Variants in GLIS1 observed in about 807,000 individuals in gnomAD.
The protein encoded by GLIS1 is GLIS family zinc finger 1, also known as zinc finger protein GLIS1.
A neutral mutation model predicts 63.8 loss-of-function variants in GLIS1; 24 were observed. The observed-to-expected ratio is 0.38, with a 90% confidence interval of 0.27 to 0.53. The LOEUF (loss-of-function observed/expected upper bound fraction) is 0.53. Ranked by LOEUF, GLIS1 falls within the 20% of genes least tolerant of loss-of-function variation. The pLI is 0.85. For synonymous variants in GLIS1, 450 were observed against 482.5 expected (o/e 0.93, Z 0.88); for missense variants, 1,036 against 1,074.1 (o/e 0.96, Z 0.50).
intron 2 of GLIS1, among the ~76,000 whole-genome samples, chr1:53,663,247 T>C (rs1472354319): frequency 6.6e-6 from 1 of 152,194 alleles, no homozygotes; most frequent in Non-Finnish European, 1.5e-5. Flanking sequence ...TGGATCTTCT[T>C]GTTCTTTTCT....
rs2100560121 is a variant in GLIS1, at chr1:53,725,458, TGTC to T, written c.259+12345_259+12347del. Among the ~76,000 whole-genome samples the T allele has an allele frequency of 2.0e-5, 3 of 152,280 alleles. 1 individual carries two copies. The South Asian group carries it at 6.2e-4, about 32-fold the overall frequency. ...TCAGCAGACCAAGGCTGGGTGAGAC[TGTC>T]TGAGGTCATGAGGCTGAGACTGGCT... On this transcript the variant is annotated intron_variant, in intron 2 of 10. Coordinates refer to ENST00000628545, the MANE Select transcript of GLIS1 (RefSeq NM_001367484.1).
chr1:53,682,267 G>A (rs1241202466), intron 2 of GLIS1, among the ~76,000 whole-genome samples: 1 of 152,232 alleles, frequency 6.6e-6, no homozygotes, highest in Non-Finnish European at 1.5e-5. Context: ...CATCCAGCAA[G>A]CAGCCGCTGA....
chr1:53,512,948 T>G (rs1217167180), intron 8 of GLIS1, among the ~76,000 whole-genome samples: 1 of 152,116 alleles, frequency 6.6e-6, no homozygotes, highest in Non-Finnish European at 1.5e-5. Flanking sequence ...GCACACAGTG[T>G]CAGGCGTGTG....
intron 2 of GLIS1, chr1:53,734,143 C>T (rs1364965095): frequency 1.4e-5 from 14 of 983,660 alleles, no homozygotes; most frequent in African/African-American, 1.8e-5. Context: ...CGGCGGGGTT[C>T]ACATTTGTCG....
chr1:53,737,942 A>G lies in GLIS1; in HGVS notation c.123T>C (p.Ser41=). ...GAHMAFRVTV[S]GGGCGDRGPR... is the part of the protein sequence containing the mutation. The stretch of plus-strand genomic sequence containing the variant: ...GGCCCCTGTCCCCGCAGCCGCCGCC[A>G]CTCACGGTGACCCTGAAGGCCATGT... Residue 41 remains serine, a synonymous_variant, in exon 2 of 11, where the codon AGT becomes AGC. Transcript: ENST00000628545. 1.6e-6 allele frequency: 2 copies of G among 1,230,002 alleles called. No individual in the cohort carries two copies. The highest frequency in any genetic ancestry group is 2.0e-6 in the Non-Finnish European group (2 of 986,812). The allele number at this position is 1,230,002 out of a possible 1,614,324, so 76.2% of individuals were successfully genotyped here.
At chr1:53,694,026 G>A (rs1240445203) in intron 2 of GLIS1, among the ~76,000 whole-genome samples, 3 of 152,316 alleles carry the variant, frequency 2.0e-5, no homozygotes, top group Admixed American at 6.5e-5. Context: ...AAACAGTCCC[G>A]GCCCCTGCAG....
chr1:53,534,025 G>C (rs1402806168), intron 4 of GLIS1, among the ~76,000 whole-genome samples: 1 of 152,078 alleles, frequency 6.6e-6, no homozygotes, highest in Non-Finnish European at 1.5e-5. Flanking sequence ...CCAGCCCAGG[G>C]GGAGCTCTCT....
At chr1:53,555,680 T>G (rs925882750) in intron 4 of GLIS1, among the ~76,000 whole-genome samples, 1 of 152,262 alleles carries the variant, frequency 6.6e-6, no homozygotes, top group African/African-American at 2.4e-5. Flanking sequence ...GTAACCCATA[T>G]ATACACCTAC....
At chr1:53,659,283 C>T (rs1646000963) in intron 2 of GLIS1, among the ~76,000 whole-genome samples, 1 of 152,156 alleles carries the variant, frequency 6.6e-6, no homozygotes, top group South Asian at 2.1e-4. Flanking sequence ...GGAACAGGGT[C>T]CAGAGAAGCT....
At chr1:53,648,866 G>A (rs1645875115) in intron 2 of GLIS1, among the ~76,000 whole-genome samples, 1 of 152,146 alleles carries the variant, frequency 6.6e-6, no homozygotes, top group African/African-American at 2.4e-5. Context: ...CCATGAGTGG[G>A]GCTCTTCCGG....
intron 2 of GLIS1, among the ~76,000 whole-genome samples, chr1:53,675,875 G>A (rs1171322341): frequency 7.3e-6 from 1 of 137,466 alleles, no homozygotes; most frequent in Non-Finnish European, 1.6e-5. Context: ...CCACAGAACA[G>A]CGGCTCCTAC....
At chr1:53,721,163 G>A (rs1646750312) in intron 2 of GLIS1, among the ~76,000 whole-genome samples, 1 of 151,692 alleles carries the variant, frequency 6.6e-6, no homozygotes, top group African/African-American at 2.4e-5. Flanking sequence ...AAAAAAAAGA[G>A]AACTAAATCT....
intron 2 of GLIS1, among the ~76,000 whole-genome samples, chr1:53,682,113 C>A (rs1646281745): frequency 6.6e-6 from 1 of 152,252 alleles, no homozygotes; most frequent in Admixed American, 6.5e-5. Context: ...GGGGGCCGTT[C>A]CAGGCAGAGT....
intron 4 of GLIS1, among the ~76,000 whole-genome samples, chr1:53,561,179 C>T (rs1176489615): frequency 6.6e-6 from 1 of 152,224 alleles, no homozygotes; most frequent in Non-Finnish European, 1.5e-5. Flanking sequence ...AATTGAGGCT[C>T]AGAGAGGCTA....
rs182636887 is a variant in GLIS1, at chr1:53,554,365, A to G, written c.1321-24413T>C. Among the ~76,000 whole-genome samples the G allele has an allele frequency of 1.8e-4, 28 of 152,270 alleles. No homozygotes were observed. In the East Asian group the frequency reaches 4.6e-3, roughly 25 times the overall value. ...TCCTTCAGGGTATCCAGATGGCCCC[A>G]CCAACCCCACCACAGCCCTAGGGGG... On this transcript the variant is annotated intron_variant, in intron 4 of 10. Coordinates refer to ENST00000628545, the MANE Select transcript of GLIS1 (RefSeq NM_001367484.1).
At position 53,738,112 on chromosome 1, in the gene GLIS1, G is replaced by T; in HGVS notation, c.-42-6C>A. 8.2e-7 allele frequency: 1 copy of T among 1,222,084 alleles called. No individual in the cohort carries two copies. Among genetic ancestry groups the T allele is most frequent in the Non-Finnish European group, 1.0e-6 (1 of 979,844 alleles). The allele number at this position is 1,222,084 out of a possible 1,614,324, so 75.7% of individuals were successfully genotyped here. A position where few individuals can be genotyped will look rare whatever the true frequency, so the allele number is the denominator to read the frequency against. On this transcript the variant is annotated splice_polypyrimidine_tract_variant and splice_region_variant and intron_variant, in intron 1 of 10. Coordinates refer to ENST00000628545, the MANE Select transcript of GLIS1 (RefSeq NM_001367484.1). The stretch of plus-strand genomic sequence containing the variant: ...CTGGGGGTCGCGCCGGGCTCCTGGG[G>T]AGGGGAGACAGCACAGCCAGTTAGA...
At chr1:53,688,020 G>A (rs886590328) in intron 2 of GLIS1, among the ~76,000 whole-genome samples, 4 of 151,960 alleles carry the variant, frequency 2.6e-5, no homozygotes, top group African/African-American at 9.7e-5. Context: ...GAGCCATCAA[G>A]ATCACCGTGC....
Position 53,524,766 on chromosome 1 carries a change from G to A in GLIS1, c.1593+11C>T. 1 of 1,604,050 alleles carries A rather than the reference G, an allele frequency of 6.2e-7. No homozygotes were observed. The highest frequency in any genetic ancestry group is 8.5e-7 in the Non-Finnish European group (1 of 1,171,648). ...AGGTGGGAGGAGGCCAGATGAGGAG[G>A]GCTGGCTTACCTTCTTACGCACCTG... is the stretch of plus-strand genomic sequence containing the variant. On this transcript the variant is annotated intron_variant, in intron 6 of 10. Transcript: ENST00000628545.
At chr1:53,552,581 A>G (rs1644770975) in intron 4 of GLIS1, among the ~76,000 whole-genome samples, 1 of 152,236 alleles carries the variant, frequency 6.6e-6, no homozygotes, top group African/African-American at 2.4e-5. Flanking sequence ...CATGACCACA[A>G]CCAGTTCTTG....
Sources: gnomAD v4.1 joint callset for allele counts (sites outside exome capture counted in the v4.1 genomes callset) on GRCh38, gnomAD v4.1.1 for gene constraint, MANE v1.5 for transcripts, NCBI Gene and HGNC (gene_info 2026-07-23, HGNC 2026-07-21) for gene names.